PCDHGA2: variants seen among roughly 807,000 people sequenced by gnomAD.
PCDHGA2 encodes protocadherin gamma subfamily A, 2, also known as protocadherin gamma-A2.
In PCDHGA2, 40 loss-of-function variants were observed where a neutral mutation model predicts 59.2. The observed-to-expected ratio is 0.68, with a 90% CI of 0.52 to 0.88. The LOEUF (loss-of-function observed/expected upper bound fraction) is 0.88. Among genes scored for constraint, PCDHGA2 ranks in the 40% least tolerant of loss-of-function variants. The probability of loss-of-function intolerance (pLI) is 0.00; values close to 1 mark genes in which losing one functional copy is unlikely to be tolerated. For synonymous variants in PCDHGA2, 560 were observed against 526.0 expected (o/e 1.06, Z -0.89); for missense variants, 1,226 against 1,204.0 (o/e 1.02, Z -0.27).
At chr5:141,467,537 A>G (rs2154569542) in intron 1 of PCDHGA2, among the ~76,000 whole-genome samples, 1 of 152,192 alleles carries the variant, frequency 6.6e-6, no homozygotes, top group Non-Finnish European at 1.5e-5. Context: ...TGAGATATGG[A>G]TCTGATTATA....
In PCDHGA2 at chr5:141,476,742, G is replaced by C. The variant is rs1015622831; in HGVS notation, c.2425-18065G>C. 8.7e-6 allele frequency: 14 copies of C among 1,613,936 alleles called. No homozygotes were observed. Among genetic ancestry groups the C allele is most frequent in the Non-Finnish European group, 1.1e-5 (13 of 1,180,032 alleles). On this transcript the variant is annotated intron_variant, in intron 1 of 3. Transcript: ENST00000394576. The surrounding 1 kb of genome is among the most constrained non-coding windows in gnomAD (Gnocchi z 7.6). ...GCCCTGGACCGAGAACGGGAGCCTA[G>C]TCTCCAGTTAGTGCTGACGGCGTTG...
intron 2 of PCDHGA2, among the ~76,000 whole-genome samples, chr5:141,497,132 G>T (rs2099774325): frequency 6.6e-6 from 1 of 152,046 alleles, no homozygotes; most frequent in Non-Finnish European, 1.5e-5. Context: ...GTTGCAGTGA[G>T]CTGAGATCAC....
At chr5:141,366,170 C>T in intron 1 of PCDHGA2, 1 of 1,614,082 alleles carries the variant, frequency 6.2e-7, no homozygotes, top group Non-Finnish European at 8.5e-7. Flanking sequence ...GGCCAGCGAG[C>T]CAGGACTCTT....
In PCDHGA2 at chr5:141,375,395, A is replaced by T. The variant is rs571734136; in HGVS notation, c.2424+34000A>T. 1.2e-6 allele frequency: 2 copies of T among 1,613,932 alleles called. No individual in the cohort carries two copies. The highest frequency in any genetic ancestry group is 2.2e-5 in the South Asian group (2 of 91,080). ...ACCACCTCTGTCTACAGAAACAATC[A>T]TCTCTCTAAATGTGGCAGACACCAA... On this transcript the variant is annotated intron_variant, in intron 1 of 3. Coordinates refer to ENST00000394576, the MANE Select transcript of PCDHGA2 (RefSeq NM_018915.4).
intron 1 of PCDHGA2, chr5:141,403,951 G>C: frequency 6.2e-7 from 1 of 1,613,882 alleles, no homozygotes. Flanking sequence ...GGACAAAAGT[G>C]CTCATTTCGG....
intron 1 of PCDHGA2, chr5:141,379,119 T>G (rs1179184154): frequency 6.6e-6 from 1 of 152,346 alleles, no homozygotes; most frequent in Admixed American, 6.5e-5. Flanking sequence ...AGAAGATACC[T>G]TGAAAATAAA....
Position 141,489,765 on chromosome 5 carries a change from C to A in PCDHGA2, c.2425-5042C>A. On this transcript the variant is annotated intron_variant, in intron 1 of 3. Transcript: ENST00000394576. The surrounding 1 kb of genome is among the most constrained non-coding windows in gnomAD (Gnocchi z 4.5). ...TGAGCTTTTACACTCTAAGCCCCAA[C>A]AGCCACTTCTCTCTGAATGTGAAGA... 2.5e-6 allele frequency: 4 copies of A among 1,614,174 alleles called. No individual in the cohort carries two copies. The highest frequency in any genetic ancestry group is 3.4e-6 in the Non-Finnish European group (4 of 1,179,992).
chr5:141,409,217 G>T (rs1394491727), intron 1 of PCDHGA2: 3 of 1,613,852 alleles, frequency 1.9e-6, no homozygotes, highest in Non-Finnish European at 2.5e-6. Flanking sequence ...AGAAATCCTT[G>T]ATGAAAACGA....
At chr5:141,450,549 C>T (rs1414500813) in intron 1 of PCDHGA2, among the ~76,000 whole-genome samples, 2 of 151,756 alleles carry the variant, frequency 1.3e-5, no homozygotes, top group Non-Finnish European at 2.9e-5. Context: ...TGCAGTGGCG[C>T]AGTCTCGGCT....
chr5:141,472,200 C>A (rs2099274166), intron 1 of PCDHGA2, among the ~76,000 whole-genome samples: 1 of 152,110 alleles, frequency 6.6e-6, no homozygotes, highest in Non-Finnish European at 1.5e-5. Flanking sequence ...ATCTTTTTGA[C>A]ACTAAGACCT....
intron 1 of PCDHGA2, chr5:141,417,798 C>G (rs2096163233): frequency 6.7e-7 from 1 of 1,486,352 alleles, no homozygotes; most frequent in African/African-American, 1.4e-5. Flanking sequence ...GCTCTTTTAG[C>G]GCGGTAGAGT....
At chr5:141,468,744 T>G (rs113912306) in intron 1 of PCDHGA2, among the ~76,000 whole-genome samples, 5,602 of 152,138 alleles carry the variant, frequency 0.037, 142 homozygotes, top group South Asian at 0.077. Flanking sequence ...CGGGTGCCTG[T>G]AGTCCCAGCT....
rs2099750571 is a variant in PCDHGA2, at chr5:141,493,878, T to A, written c.2425-929T>A. On this transcript the variant is annotated intron_variant, in intron 1 of 3. Coordinates refer to ENST00000394576, the MANE Select transcript of PCDHGA2 (RefSeq NM_018915.4). This position sits in a 1 kb window ranked among gnomAD's most constrained non-coding sequence, Gnocchi z 4.3. ...GCCCACCCCAGAACCAGTGAGGAGG[T>A]GGCTCTAGGAGTGCTCCATGAGAGT... is the stretch of plus-strand genomic sequence containing the variant. 6.6e-6 allele frequency among the ~76,000 whole-genome samples: 1 copy of A among 152,072 alleles called. No homozygotes were observed. The highest frequency in any genetic ancestry group is 6.6e-5 in the Admixed American group (1 of 15,264).
At position 141,341,026 on chromosome 5, in the gene PCDHGA2, C is replaced by T. The variant is rs1447473914; in HGVS notation, c.2055C>T (p.Asn685=). The T allele has an allele frequency of 2.5e-6, 4 of 1,614,160 alleles. No homozygotes were observed. Among genetic ancestry groups the T allele is most frequent in the South Asian group, 2.2e-5 (2 of 91,084 alleles). The change falls in exon 1 of 4, where the codon AAC becomes AAT. Residue 685 remains asparagine (N), a synonymous_variant. Coordinates refer to ENST00000394576, the MANE Select transcript of PCDHGA2 (RefSeq NM_018915.4). ...GCCTCGAGCCCTCCGCCATACCCAACGATTCGGACCTCACTCTGTACCTGG... is the reference window on the plus strand; with the variant it reads ...GCCTCGAGCCCTCCGCCATACCCAATGATTCGGACCTCACTCTGTACCTGG... ...LGSLEPSAIP[N]DSDLTLYLVV... is the part of the protein sequence containing the mutation.
rs1594492695 is a variant in PCDHGA2 at position 141,485,536 on chromosome 5, A to G, written c.2425-9271A>G. On this transcript the variant is annotated intron_variant, in intron 1 of 3. Transcript: ENST00000394576. The surrounding 1 kb of genome is among the most constrained non-coding windows in gnomAD (Gnocchi z 5.7). ...CTTTGGAAATGTACCGAGCAGAGGTAGAGATCGTAGATGTGAATGATCACG... is the reference window on the plus strand; with the variant it reads ...CTTTGGAAATGTACCGAGCAGAGGTGGAGATCGTAGATGTGAATGATCACG... 3 of 1,613,976 alleles carry G rather than the reference A, an allele frequency of 1.9e-6. No homozygotes were observed. The highest frequency in any genetic ancestry group is 2.5e-6 in the Non-Finnish European group (3 of 1,179,946).
chr5:141,428,361 C>G, intron 1 of PCDHGA2: 2 of 556,764 alleles, frequency 3.6e-6, no homozygotes, highest in Non-Finnish European at 6.6e-6. Context: ...TTTTGGCGGT[C>G]GCCTTGCACC....
intron 1 of PCDHGA2, chr5:141,366,034 C>T (rs1764274973): frequency 2.5e-6 from 4 of 1,614,144 alleles, no homozygotes; most frequent in Non-Finnish European, 2.5e-6. Flanking sequence ...CCGCCCTCCC[C>T]ACAGACGGTT....
intron 1 of PCDHGA2, chr5:141,345,156 G>C: frequency 1.2e-6 from 2 of 1,614,028 alleles, no homozygotes; most frequent in Non-Finnish European, 1.7e-6. Flanking sequence ...GCATGACCGA[G>C]ATTCTGGGCA....
Position 141,491,711 on chromosome 5 carries a change from C to A in PCDHGA2, c.2425-3096C>A, listed in dbSNP as rs528931820. ...CGGGAGCGGAGCCAGGTGAGGGGCT[C>A]GGCGCCGCCCCGGGCGACCCCTGGG... On this transcript the variant is annotated intron_variant, in intron 1 of 3. Coordinates refer to ENST00000394576, the MANE Select transcript of PCDHGA2 (RefSeq NM_018915.4). The surrounding 1 kb of genome is among the most constrained non-coding windows in gnomAD (Gnocchi z 6.9). 1.3e-4 allele frequency: 217 copies of A among 1,609,356 alleles called. 3 individuals are homozygous for A. In the South Asian group the frequency reaches 2.2e-3, roughly 17 times the overall value.
Sources: gnomAD v4.1 joint callset for allele counts (sites outside exome capture counted in the v4.1 genomes callset) on GRCh38, gnomAD v4.1.1 for gene constraint, Gnocchi (gnomAD v3.1) non-coding constraint, MANE v1.5 for transcripts, NCBI Gene and HGNC (gene_info 2026-07-23, HGNC 2026-07-21) for gene names.